Variants in STK3 observed in about 807,000 individuals in gnomAD.
STK3 encodes serine/threonine-protein kinase 3.
In STK3, 41 loss-of-function variants were observed where a neutral mutation model predicts 58.0. That is an observed-to-expected ratio of 0.71 (90% confidence interval 0.55 to 0.92). STK3 has a LOEUF of 0.92. STK3 is among the 40% of genes least tolerant of loss of function. The pLI, the probability that STK3 is intolerant of heterozygous loss-of-function variation, is 0.00. For synonymous variants in STK3, 170 were observed against 191.0 expected, an observed-to-expected ratio of 0.89 and a Z score of 0.91; for missense variants, 479 against 602.7, an observed-to-expected ratio of 0.79 and a Z score of 2.15.
chr8:98,467,329 T>C (rs1256862302), intron 10 of STK3, among the ~76,000 whole-genome samples: 1 of 152,092 alleles, frequency 6.6e-6, no homozygotes, highest in Non-Finnish European at 1.5e-5. Flanking sequence ...GCTTGAAACA[T>C]AGTAGGTGCT....
chr8:98,905,517 A>T, intron 1 of STK3: 1 of 1,118,534 alleles, frequency 8.9e-7, no homozygotes, highest in South Asian at 1.2e-5. Context: ...CAAGTTGTGT[A>T]TGGTATCCTC....
intron 1 of STK3, among the ~76,000 whole-genome samples, chr8:98,926,525 C>T (rs1839804691): frequency 6.6e-6 from 1 of 152,106 alleles, no homozygotes; most frequent in African/African-American, 2.4e-5. Context: ...ATAATACTCT[C>T]TTCAAGAGAA....
chr8:98,424,037 C>T (rs2131059750), intron 3 of STK3, among the ~76,000 whole-genome samples: 1 of 152,350 alleles, frequency 6.6e-6, no homozygotes, highest in South Asian at 2.1e-4. Context: ...AGGGCTCAGA[C>T]CTCTAAATAA....
chr8:98,532,653 T>C (rs775081008), intron 9 of STK3, among the ~76,000 whole-genome samples: 7 of 152,132 alleles, frequency 4.6e-5, no homozygotes, highest in Non-Finnish European at 7.4e-5. Context: ...AAAAAGCAAA[T>C]TGCAATAATG....
At chr8:98,640,227 T>C (rs973612854) in intron 6 of STK3, among the ~76,000 whole-genome samples, 1 of 152,088 alleles carries the variant, frequency 6.6e-6, no homozygotes, top group Non-Finnish European at 1.5e-5. Flanking sequence ...CTAATTTTTG[T>C]ACTGTAGACA....
intron 1 of STK3, among the ~76,000 whole-genome samples, chr8:98,383,796 T>A (rs1817763544): frequency 6.6e-6 from 1 of 152,244 alleles, no homozygotes; most frequent in Admixed American, 6.5e-5. Context: ...TCTAGGAACA[T>A]CTGTATCTAC....
chr8:98,473,020 C>T (rs1225163960), intron 10 of STK3, among the ~76,000 whole-genome samples: 1 of 152,026 alleles, frequency 6.6e-6, no homozygotes, highest in Non-Finnish European at 1.5e-5. Context: ...TGTAAAGTGC[C>T]TTCAAAAATT....
At chr8:98,694,692 A>C (rs1467863009) in intron 6 of STK3, among the ~76,000 whole-genome samples, 1 of 152,104 alleles carries the variant, frequency 6.6e-6, no homozygotes, top group Non-Finnish European at 1.5e-5. Context: ...ATCATTTTTT[A>C]TGGCTGCATA....
intron 3 of STK3, among the ~76,000 whole-genome samples, chr8:98,422,070 AGG>A (rs1818180861): frequency 6.6e-6 from 1 of 152,162 alleles, no homozygotes; most frequent in Non-Finnish European, 1.5e-5. Flanking sequence ...GCTGGCCTCC[AGG>A]GAGCACACAG....
intron 4 of STK3, 107 bp from the exon 5 acceptor site, chr8:98,707,418 T>TC: frequency 2.4e-6 from 2 of 850,628 alleles, no homozygotes; most frequent in Non-Finnish European, 3.5e-6. Context: ...GTGTGTGTTT[T>TC]TTTTTAAGAG....
chr8:98,649,153 T>C (rs1166831487), intron 6 of STK3, among the ~76,000 whole-genome samples: 2 of 152,176 alleles, frequency 1.3e-5, no homozygotes, highest in Admixed American at 1.3e-4. Flanking sequence ...GGGATTTGCA[T>C]TTCTGTCAAC....
At chr8:98,805,058 A>G (rs1206878380) in intron 1 of STK3, among the ~76,000 whole-genome samples, 1 of 152,208 alleles carries the variant, frequency 6.6e-6, no homozygotes, top group Non-Finnish European at 1.5e-5. Context: ...TCTTGCAAAA[A>G]TCTGGTGATA....
At chr8:98,345,577 T>C in the STK3 span, among the ~76,000 whole-genome samples, 1 of 151,908 alleles carries the variant, frequency 6.6e-6, no homozygotes, top group Non-Finnish European at 1.5e-5. Context: ...AAGAATCGTC[T>C]GAAAATATTA....
At chr8:98,833,248 A>G (rs533600705) in intron 3 of STK3, among the ~76,000 whole-genome samples, 25 of 152,282 alleles carry the variant, frequency 1.6e-4, no homozygotes, top group African/African-American at 5.5e-4. Context: ...GGAGGATCCA[A>G]AGATTTTCTG....
chr8:98,467,775 A>G (rs1187137628), intron 10 of STK3, among the ~76,000 whole-genome samples: 1 of 152,180 alleles, frequency 6.6e-6, no homozygotes, highest in Non-Finnish European at 1.5e-5. Flanking sequence ...GCTTCTCTCA[A>G]AAAATTCTCC....
At chr8:98,867,969 C>T (rs1356756875) in intron 3 of STK3, among the ~76,000 whole-genome samples, 2 of 152,146 alleles carry the variant, frequency 1.3e-5, no homozygotes, top group African/African-American at 4.8e-5. Context: ...TGAGACTTGC[C>T]TAACATTTCA....
At chr8:98,413,296 C>A in intron 3 of STK3, 1 of 451,490 alleles carries the variant, frequency 2.2e-6, no homozygotes, top group Non-Finnish European at 4.4e-6. Flanking sequence ...ATTACAGGCG[C>A]AAGCCACCAT....
chr8:98,569,483 T>C (rs1389350932), intron 8 of STK3, among the ~76,000 whole-genome samples: 1 of 133,984 alleles, frequency 7.5e-6, no homozygotes, highest in Non-Finnish European at 1.6e-5. Flanking sequence ...GATGAATCAA[T>C]AAAAAAAAAA....
chr8:98,650,549 C>T (rs923734818), intron 6 of STK3, among the ~76,000 whole-genome samples: 42 of 152,200 alleles, frequency 2.8e-4, no homozygotes, highest in Non-Finnish European at 1.6e-4. Flanking sequence ...TTGCCTCACT[C>T]GGGAAGCGCA....
Sources: allele counts gnomAD v4.1 joint callset (sites outside exome capture counted in the v4.1 genomes callset), GRCh38; gene constraint gnomAD v4.1.1; transcripts MANE v1.5; gene names NCBI Gene and HGNC (gene_info 2026-07-23, HGNC 2026-07-21).